The following CSMD1 variants were observed in gnomAD, a reference collection of about 807,000 sequenced individuals.
CSMD1 encodes the protein CUB and Sushi multiple domains 1.
A neutral mutation model predicts 417.5 loss-of-function variants in CSMD1; 213 were observed. That is an observed-to-expected ratio of 0.51 (90% CI 0.46 to 0.57). CSMD1 has a LOEUF of 0.57. CSMD1 is among the 20% of genes least tolerant of loss of function. The pLI, the probability that CSMD1 is intolerant of heterozygous loss-of-function variation, is 0.00. For missense variants in CSMD1, 6,923 were observed against 4,529.7 expected, an observed-to-expected ratio of 1.53 and a Z score of -15.17; for synonymous variants, 2,862 against 1,736.8, an observed-to-expected ratio of 1.65 and a Z score of -16.11.
intron 1 of CSMD1, among the ~76,000 whole-genome samples, chr8:4,658,653 G>A (rs1804388673): frequency 6.6e-6 from 1 of 152,040 alleles, no homozygotes; most frequent in African/African-American, 2.4e-5. Context: ...GGAAAGTAAA[G>A]CAATGCCGTT....
At chr8:4,916,707 G>C (rs962588124) in intron 1 of CSMD1, among the ~76,000 whole-genome samples, 5 of 152,130 alleles carry the variant, frequency 3.3e-5, no homozygotes, top group African/African-American at 9.7e-5. Flanking sequence ...GAATTGTAAG[G>C]CACCATAACT....
chr8:4,437,871 T>C (rs1448958985), intron 2 of CSMD1, among the ~76,000 whole-genome samples: 1 of 152,162 alleles, frequency 6.6e-6, no homozygotes, highest in Non-Finnish European at 1.5e-5. Context: ...GCCTCACTGG[T>C]GTAGAATTCA....
intron 2 of CSMD1, among the ~76,000 whole-genome samples, chr8:4,449,975 G>A (rs1265610066): frequency 6.6e-6 from 1 of 152,144 alleles, no homozygotes; most frequent in Non-Finnish European, 1.5e-5. Context: ...TCCACATTCT[G>A]CCTTTCACTG....
intron 12 of CSMD1, among the ~76,000 whole-genome samples, chr8:3,453,529 T>C (rs547115404): frequency 8.5e-4 from 130 of 152,344 alleles, no homozygotes; most frequent in African/African-American, 2.5e-3. Context: ...TCTCATTGGT[T>C]TCAAAGAACA....
intron 1 of CSMD1, among the ~76,000 whole-genome samples, chr8:4,974,598 C>G (rs535646553): frequency 6.6e-6 from 1 of 152,092 alleles, no homozygotes; most frequent in African/African-American, 2.4e-5. Flanking sequence ...TAACAAACAT[C>G]AACATATATA....
chr8:4,283,351 C>T (rs1007913564), intron 3 of CSMD1, among the ~76,000 whole-genome samples: 6 of 152,092 alleles, frequency 3.9e-5, no homozygotes, highest in South Asian at 4.1e-4. Flanking sequence ...TGTATAAATG[C>T]GAACATCTTT....
At chr8:3,239,184 G>A (rs947341584) in intron 26 of CSMD1, among the ~76,000 whole-genome samples, 10 of 152,066 alleles carry the variant, frequency 6.6e-5, no homozygotes, top group African/African-American at 1.4e-4. Flanking sequence ...CCATTAGTCC[G>A]TTTTACCTTT....
At chr8:4,068,341 GC>G (rs1393739034) in intron 3 of CSMD1, among the ~76,000 whole-genome samples, 1 of 152,122 alleles carries the variant, frequency 6.6e-6, no homozygotes, top group Non-Finnish European at 1.5e-5. Flanking sequence ...TGAGAGTGGG[GC>G]TCAAAGCAGA....
Position 3,190,789 on chromosome 8 carries a change from G to C in CSMD1, c.5195-674C>G, listed in dbSNP as rs374891569. Among the ~76,000 whole-genome samples the C allele has an allele frequency of 2.6e-5, 4 of 152,186 alleles. No individual in the cohort carries two copies. The East Asian group carries it at 7.7e-4, about 29-fold the overall frequency. ...AGAAAACGTGGAGTAGATAAAAGAA[G>C]AAATTCTGCTATTTGTAATAACACG... On this transcript the variant is annotated intron_variant, in intron 33 of 69. Transcript: ENST00000635120.
At chr8:3,542,434 G>A (rs965721948) in intron 10 of CSMD1, among the ~76,000 whole-genome samples, 1 of 152,126 alleles carries the variant, frequency 6.6e-6, no homozygotes, top group South Asian at 2.1e-4. Flanking sequence ...GATTGGATGT[G>A]CGTTAGGGAA....
chr8:4,505,031 G>T (rs1272931850), intron 2 of CSMD1, among the ~76,000 whole-genome samples: 1 of 152,070 alleles, frequency 6.6e-6, no homozygotes, highest in African/African-American at 2.4e-5. Flanking sequence ...TGGTATTTCT[G>T]TTCTAGATCC....
At chr8:3,559,965 A>G (rs76465539) in intron 10 of CSMD1, among the ~76,000 whole-genome samples, 3,913 of 152,182 alleles carry the variant, frequency 0.026, 176 homozygotes, top group African/African-American at 0.089. Context: ...AGCCGTGCGG[A>G]ATGAAGGTGG....
At chr8:3,913,199 G>A (rs1218811695) in intron 5 of CSMD1, among the ~76,000 whole-genome samples, 1 of 152,126 alleles carries the variant, frequency 6.6e-6, no homozygotes, top group Non-Finnish European at 1.5e-5. Flanking sequence ...TATATTGGTT[G>A]GAGGTCAGAA....
At chr8:3,422,745 C>G (rs1813575433) in intron 12 of CSMD1, among the ~76,000 whole-genome samples, 1 of 152,076 alleles carries the variant, frequency 6.6e-6, no homozygotes, top group African/African-American at 2.4e-5. Flanking sequence ...AAAACATAGA[C>G]TGGGTAATGT....
rs553568456 is a variant in CSMD1 at position 4,471,748 on chromosome 8, G to C, written c.303-51683C>G. On this transcript the variant is annotated intron_variant, in intron 2 of 69. Coordinates refer to ENST00000635120, the MANE Select transcript of CSMD1 (RefSeq NM_033225.6). ...GCAAACACGCGGAGAAAAGAAGTTAGACCCATTTCTTTAGCGTCACAAAGG... is the reference window on the plus strand; with the variant it reads ...GCAAACACGCGGAGAAAAGAAGTTACACCCATTTCTTTAGCGTCACAAAGG... Among the ~76,000 whole-genome samples the C allele has an allele frequency of 4.4e-3, 661 of 150,074 alleles. 5 individuals carry two copies. Among genetic ancestry groups the C allele is most frequent in the Middle Eastern group, 0.018 (5 of 282 alleles).
At chr8:3,470,589 G>A (rs1485238409) in intron 11 of CSMD1, among the ~76,000 whole-genome samples, 2 of 152,034 alleles carry the variant, frequency 1.3e-5, no homozygotes, top group East Asian at 1.9e-4. Context: ...CTCGGCTCCT[G>A]AATCCACCGC....
intron 9 of CSMD1, among the ~76,000 whole-genome samples, chr8:3,583,669 G>A (rs568349113): frequency 1.3e-5 from 2 of 152,014 alleles, no homozygotes; most frequent in Non-Finnish European, 2.9e-5. Flanking sequence ...AGGGCTGGGT[G>A]ATTTTGAAAC....
intron 1 of CSMD1, among the ~76,000 whole-genome samples, chr8:4,820,505 G>A (rs17071587): frequency 2.6e-5 from 4 of 151,946 alleles, no homozygotes; most frequent in African/African-American, 9.7e-5. Context: ...TAAGGAAATG[G>A]CCAACCTCCT....
At chr8:3,025,828 G>C (rs964907149) in intron 51 of CSMD1, among the ~76,000 whole-genome samples, 5 of 152,204 alleles carry the variant, frequency 3.3e-5, no homozygotes, top group Non-Finnish European at 7.3e-5. Context: ...ATGTGAGCAT[G>C]TAATTGATAT....
Sources: gnomAD v4.1 joint callset for allele counts (sites outside exome capture counted in the v4.1 genomes callset) on GRCh38, gnomAD v4.1.1 for gene constraint, MANE v1.5 for transcripts, NCBI Gene and HGNC (gene_info 2026-07-23, HGNC 2026-07-21) for gene names.